R3HDM2: variants seen among roughly 807,000 people sequenced by gnomAD.
The protein encoded by R3HDM2 is R3H domain-containing protein 2.
Under a neutral mutation model 124.5 loss-of-function variants are expected in R3HDM2, and 38 were observed. The observed-to-expected ratio is 0.31, with a 90% confidence interval of 0.24 to 0.40. The LOEUF is 0.40. Ranked by LOEUF, R3HDM2 falls within the 10% of genes least tolerant of loss-of-function variation. The pLI is 1.00. For synonymous variants in R3HDM2, 391 were observed against 448.0 expected (o/e 0.87, Z 1.61); for missense variants, 869 against 1,236.9 (o/e 0.70, Z 4.46).
chr12:57,289,183 G>A (rs902276606), intron 11 of R3HDM2, 143 bp from the exon 12 acceptor site: 1 of 762,096 alleles, frequency 1.3e-6, no homozygotes, highest in Admixed American at 2.2e-5. Context: ...CCAGGGACAG[G>A]ATGACCCATA....
At position 57,305,493 on chromosome 12, in the gene R3HDM2, C is replaced by T. The variant is rs553282871; in HGVS notation, c.166-2276G>A. 7.7e-6 allele frequency: 3 copies of T among 389,458 alleles called. No homozygotes were observed. The South Asian group carries it at 4.3e-4, about 56-fold the overall frequency. The allele number at this position is 389,458 out of a possible 1,614,324, so 24.1% of individuals were successfully genotyped here. A position where few individuals can be genotyped will look rare whatever the true frequency, so the allele number is the denominator to read the frequency against. ...AAATTGCCCCTCAAAGTGGTTGTAC[C>T]AATTTAGACTCTTACCAACAATATA... On this transcript the variant is annotated intron_variant, in intron 3 of 23. Coordinates refer to ENST00000402412, the MANE Select transcript of R3HDM2 (RefSeq NM_001394031.1).
chr12:57,394,756 A>G (rs2067234387), intron 2 of R3HDM2, among the ~76,000 whole-genome samples: 1 of 152,186 alleles, frequency 6.6e-6, no homozygotes, highest in Non-Finnish European at 1.5e-5. Context: ...AAAGGTGAAA[A>G]TACCTGTGAA....
intron 1 of R3HDM2, among the ~76,000 whole-genome samples, chr12:57,412,161 C>T (rs1350050876): frequency 1.3e-5 from 2 of 152,204 alleles, no homozygotes; most frequent in Non-Finnish European, 2.9e-5. Context: ...GACAAATACA[C>T]ATCCTAACTT....
intron 2 of R3HDM2, among the ~76,000 whole-genome samples, chr12:57,314,306 C>G (rs975918766): frequency 1.3e-5 from 2 of 151,888 alleles, no homozygotes; most frequent in Non-Finnish European, 2.9e-5. Flanking sequence ...ATGGAGAAAC[C>G]CCATCTCTAC....
At chr12:57,426,025 C>T (rs1027544278) in intron 1 of R3HDM2, among the ~76,000 whole-genome samples, 4 of 152,058 alleles carry the variant, frequency 2.6e-5, no homozygotes, top group Non-Finnish European at 5.9e-5. Context: ...GTTAGGAGTT[C>T]GAGAGTGGCC....
intron 2 of R3HDM2, among the ~76,000 whole-genome samples, chr12:57,380,968 A>C (rs1473908888): frequency 6.7e-6 from 1 of 149,334 alleles, no homozygotes; most frequent in Admixed American, 6.7e-5. Flanking sequence ...GGTGGCCCAC[A>C]CCTGTAATCC....
chr12:57,365,274 G>T (rs12580135), intron 2 of R3HDM2, among the ~76,000 whole-genome samples: 67,880 of 140,062 alleles, frequency 0.48, 15,889 homozygotes, highest in Middle Eastern at 0.8. Context: ...CAAAAAAAAA[G>T]AAAAAAAAAA....
At chr12:57,320,969 C>T (rs1199952012) in intron 2 of R3HDM2, among the ~76,000 whole-genome samples, 1 of 152,052 alleles carries the variant, frequency 6.6e-6, no homozygotes, top group Non-Finnish European at 1.5e-5. Flanking sequence ...GCTTTCCGGT[C>T]CTGTACTAAT....
chr12:57,279,458 C>G (rs972289954), intron 14 of R3HDM2, among the ~76,000 whole-genome samples: 1 of 150,332 alleles, frequency 6.7e-6, no homozygotes, highest in Non-Finnish European at 1.5e-5. Flanking sequence ...GCTGGGATTA[C>G]AGGCTTGAGC....
rs1479053977 is a variant in R3HDM2, at chr12:57,283,872, T to A, written c.1123A>T (p.Ser375Cys). Residue 375 changes from serine to cysteine, a missense_variant, in exon 13 of 24, where the codon AGC becomes TGC. This residue lies in a region of R3HDM2 where 602 missense variants were observed against 789.2 expected (regional missense o/e 0.76). Coordinates refer to ENST00000402412, the MANE Select transcript of R3HDM2 (RefSeq NM_001394031.1). The stretch of plus-strand genomic sequence containing the variant: ...CTGCCGCCTTTACTGCTGCCGATGC[T>A]GTCACCTCGGGTAAGGATAGAGATT... ...SGISILTRGD[S>C]IGSSKGGSAG... is the part of the protein sequence containing the mutation. 2 of 1,614,240 alleles carry A rather than the reference T, an allele frequency of 1.2e-6. No individual in the cohort carries two copies. The highest frequency in any genetic ancestry group is 1.7e-6 in the Non-Finnish European group (2 of 1,180,036).
At chr12:57,349,433 A>C (rs2137194470) in intron 2 of R3HDM2, among the ~76,000 whole-genome samples, 1 of 150,944 alleles carries the variant, frequency 6.6e-6, no homozygotes, top group South Asian at 2.1e-4. Flanking sequence ...AAAATCAAGT[A>C]AATTTCTTAC....
intron 2 of R3HDM2, among the ~76,000 whole-genome samples, chr12:57,360,643 G>A (rs1593897640): frequency 6.6e-6 from 1 of 151,126 alleles, no homozygotes; most frequent in Non-Finnish European, 1.5e-5. Context: ...AAAAAGGAAG[G>A]GAAGGGGAAA....
chr12:57,268,979 G>A lies in R3HDM2; in HGVS notation c.1818C>T (p.Ser606=). ...CCAGGCCTTGCATCTGGCCCCCCAT[G>A]CTGCTCCTCTGGCTGCTGAGCAGGC... ...NQGLLSSQRS[S]MGGQMQGLVV... is the part of the protein sequence containing the mutation. The change falls in exon 17 of 24, where the codon AGC becomes AGT. Residue 606 remains serine, a synonymous_variant. Transcript: ENST00000402412. The A allele has an allele frequency of 6.2e-7, 1 of 1,614,214 alleles. No individual in the cohort carries two copies.
At chr12:57,353,688 T>C (rs1338997372) in intron 2 of R3HDM2, among the ~76,000 whole-genome samples, 1 of 152,032 alleles carries the variant, frequency 6.6e-6, no homozygotes, top group African/African-American at 2.4e-5. Context: ...AGCTAGGAAC[T>C]ATAGGTGTGT....
At chr12:57,316,517 A>G (rs2055052046) in intron 2 of R3HDM2, among the ~76,000 whole-genome samples, 1 of 151,836 alleles carries the variant, frequency 6.6e-6, no homozygotes, top group East Asian at 1.9e-4. Context: ...TGATACCTAG[A>G]CTGTGGCAGC....
intron 14 of R3HDM2, among the ~76,000 whole-genome samples, chr12:57,278,067 G>C (rs1036830015): frequency 7.2e-5 from 11 of 152,178 alleles, no homozygotes; most frequent in Non-Finnish European, 1.5e-4. Context: ...TTCCATAAAT[G>C]CTTCCAGGGC....
rs2050638801 is a variant in R3HDM2 at position 57,299,483 on chromosome 12, AG to A, written c.295-6del. 1 of 1,544,550 alleles carries A rather than the reference AG, an allele frequency of 6.5e-7. No homozygotes were observed. Among genetic ancestry groups the A allele is most frequent in the Non-Finnish European group, 8.8e-7 (1 of 1,141,254 alleles). ...GATGTGCAATTGAATTATATCCTTA[AG>A]GGGAAAAAGGATAATCAAAGGGGGA... On this transcript the variant is annotated splice_polypyrimidine_tract_variant and splice_region_variant and intron_variant, in intron 5 of 23. Coordinates refer to ENST00000402412, the MANE Select transcript of R3HDM2 (RefSeq NM_001394031.1).
At chr12:57,386,070 TTGC>T (rs780005120) in intron 2 of R3HDM2, among the ~76,000 whole-genome samples, 7 of 152,268 alleles carry the variant, frequency 4.6e-5, no homozygotes, top group East Asian at 1.9e-4. Context: ...CCACATTTTG[TTGC>T]TGCTGTTTTG....
chr12:57,395,052 C>CA (rs1224441774), intron 2 of R3HDM2, among the ~76,000 whole-genome samples: 2 of 150,044 alleles, frequency 1.3e-5, no homozygotes, highest in Admixed American at 6.7e-5. Context: ...ACTAAAAATA[C>CA]AAAAAAAATT....
Sources: allele counts gnomAD v4.1 joint callset (sites outside exome capture counted in the v4.1 genomes callset), GRCh38; gene constraint gnomAD v4.1.1; regional missense constraint gnomAD v4.1.1; transcripts MANE v1.5; gene names NCBI Gene and HGNC (gene_info 2026-07-23, HGNC 2026-07-21).